The following ARHGEF19 variants were observed in gnomAD, a reference collection of about 807,000 sequenced individuals.
The protein encoded by ARHGEF19 is Rho guanine nucleotide exchange factor (GEF) 19.
Under a neutral mutation model 87.6 loss-of-function variants are expected in ARHGEF19, and 92 were observed. That is an observed-to-expected ratio of 1.05 (90% CI 0.89 to 1.25). The LOEUF (loss-of-function observed/expected upper bound fraction) is 1.25, where lower values mean the gene tolerates loss of function less well. Among genes scored for constraint, ARHGEF19 ranks in the 50% most tolerant of loss-of-function variants. The pLI is 0.00. For missense variants in ARHGEF19, 1,054 were observed against 1,051.8 expected, an observed-to-expected ratio of 1.00 and a Z score of -0.03; for synonymous variants, 438 against 446.2, an observed-to-expected ratio of 0.98 and a Z score of 0.23.
chr1:16,207,843 A>G lies in ARHGEF19; in HGVS notation c.695-66T>C. 3 of 1,587,622 alleles carry G rather than the reference A, an allele frequency of 1.9e-6. No individual in the cohort carries two copies. The highest frequency in any genetic ancestry group is 2.2e-5 in the South Asian group (2 of 89,368). Reference sequence around the variant, plus strand: ...GGGCCTGGGGCCTGGGCCCCGGCCCAGGCACCCTGACGGCCTCAGGCGGCC... The same window carrying G: ...GGGCCTGGGGCCTGGGCCCCGGCCCGGGCACCCTGACGGCCTCAGGCGGCC... On this transcript the variant is annotated intron_variant, in intron 3 of 15. Coordinates refer to ENST00000270747, the MANE Select transcript of ARHGEF19 (RefSeq NM_153213.5). This position sits in a 1 kb window ranked among gnomAD's most constrained non-coding sequence, Gnocchi z 4.0.
intron 1 of ARHGEF19, among the ~76,000 whole-genome samples, chr1:16,209,864 G>A (rs1351472936): frequency 6.6e-6 from 1 of 152,250 alleles, no homozygotes; most frequent in Non-Finnish European, 1.5e-5. Context: ...GGAGGGTCAT[G>A]GACTGGCAGG....
rs1381875665 is a variant in ARHGEF19 at position 16,208,015 on chromosome 1, G to T, written c.623C>A (p.Ser208Tyr). The change falls in exon 3 of 16, where the codon TCT (serine) becomes TAT (tyrosine). Residue 208 changes from serine (S) to tyrosine (Y), a missense_variant. Physicochemically the swap from Ser to Tyr is moderately radical, Grantham distance 144 (BLOSUM62 -2). Coordinates refer to ENST00000270747, the MANE Select transcript of ARHGEF19 (RefSeq NM_153213.5). The stretch of plus-strand genomic sequence containing the variant: ...TGCTGAATTCCGCCCCAGGCGCAGA[G>T]AAGAGTGCAGCCGGGTCATCAGCTC... ...ASELMTRLHS[S>Y]LRLGRNSAAR... 6.2e-7 allele frequency: 1 copy of T among 1,613,342 alleles called. No individual in the cohort carries two copies. Among genetic ancestry groups the T allele is most frequent in the Non-Finnish European group, 8.5e-7 (1 of 1,179,984 alleles).
rs1290200912 is a variant in ARHGEF19 at position 16,209,039 on chromosome 1, G to C, written c.16C>G (p.Pro6Ala). Residue 6 changes from proline (P) to alanine (A), a missense_variant, in exon 2 of 16, where the codon CCT becomes GCT. Coordinates refer to ENST00000270747, the MANE Select transcript of ARHGEF19 (RefSeq NM_153213.5). Reference sequence around the variant, plus strand: ...GTCAGGTGGGGCTGGAGGGTAGCAGGTGGCCCACAGTCCATTCCTCTTTTG... The same window carrying C: ...GTCAGGTGGGGCTGGAGGGTAGCAGCTGGCCCACAGTCCATTCCTCTTTTG... MDCGP[P>A]ATLQPHLTGP... is the part of the protein sequence containing the mutation. 6.7e-7 allele frequency: 1 copy of C among 1,490,262 alleles called. No individual in the cohort carries two copies. The highest frequency in any genetic ancestry group is 2.5e-5 in the Admixed American group (1 of 40,130). 92.3% of individuals were successfully genotyped at this position (1,490,262 alleles called of 1,614,324 possible).
intron 14 of ARHGEF19, among the ~76,000 whole-genome samples, chr1:16,200,294 T>A (rs1055423512): frequency 1.3e-5 from 2 of 152,258 alleles, no homozygotes; most frequent in Non-Finnish European, 2.9e-5. Flanking sequence ...ATGAAAAATG[T>A]CTACCTAGTA....
In ARHGEF19 at chr1:16,204,769, G is replaced by T. The variant is rs779533127; in HGVS notation, c.1897C>A (p.Arg633=). The T allele has an allele frequency of 1.9e-6, 3 of 1,599,948 alleles. No homozygotes were observed. Among genetic ancestry groups the T allele is most frequent in the Non-Finnish European group, 2.6e-6 (3 of 1,170,188 alleles). The stretch of plus-strand genomic sequence containing the variant: ...ACTGCCCCGACTCACTCCTTCCGCC[G>T]AGAGAGCAGCAAGCAGTCATTGAAG... The part of the protein sequence containing the change: ...HLFNDCLLLS[R]RKELGKFAVF... The change falls in exon 12 of 16, where the codon CGG becomes AGG. Residue 633 remains arginine (R), a synonymous_variant. Coordinates refer to ENST00000270747, the MANE Select transcript of ARHGEF19 (RefSeq NM_153213.5).
chr1:16,202,582 A>G lies in ARHGEF19; in HGVS notation c.1908-8T>C. On this transcript the variant is annotated splice_region_variant and splice_polypyrimidine_tract_variant and intron_variant, in intron 12 of 15. Coordinates refer to ENST00000270747, the MANE Select transcript of ARHGEF19 (RefSeq NM_153213.5). ...ACGGCAAACTTCCCTAGCCTGGAGG[A>G]CCGGGGGAGGGGAGGTCAGCCTGGC... 1 of 1,610,702 alleles carries G rather than the reference A, an allele frequency of 6.2e-7. No individual in the cohort carries two copies. Among genetic ancestry groups the G allele is most frequent in the Non-Finnish European group, 8.5e-7 (1 of 1,177,528 alleles).
Position 16,207,854 on chromosome 1 carries a change from CG to C in ARHGEF19, c.695-78del. On this transcript the variant is annotated intron_variant, in intron 3 of 15. Transcript: ENST00000270747. This position sits in a 1 kb window ranked among gnomAD's most constrained non-coding sequence, Gnocchi z 4.0. ...CTGGGCCCCGGCCCAGGCACCCTGA[CG>C]GCCTCAGGCGGCCGGTGAGTGGGCA... The C allele has an allele frequency of 2.5e-6, 4 of 1,582,248 alleles. No homozygotes were observed. Among genetic ancestry groups the C allele is most frequent in the Non-Finnish European group, 3.4e-6 (4 of 1,165,946 alleles).
rs1569708475 is a variant in ARHGEF19, at chr1:16,205,782, G to C, written c.1452-115C>G. 1.3e-6 allele frequency: 2 copies of C among 1,488,172 alleles called. No homozygotes were observed. Among genetic ancestry groups the C allele is most frequent in the African/African-American group, 1.4e-5 (1 of 71,084 alleles). The allele number at this position is 1,488,172 out of a possible 1,614,324, so 92.2% of individuals were successfully genotyped here. ...TCTCAGCACATCCTTACTGCCCTTTGGGGTTGCATCTCACCTTATCCTGGT... is the reference window on the plus strand; with the variant it reads ...TCTCAGCACATCCTTACTGCCCTTTCGGGTTGCATCTCACCTTATCCTGGT... On this transcript the variant is annotated intron_variant, in intron 8 of 15. Coordinates refer to ENST00000270747, the MANE Select transcript of ARHGEF19 (RefSeq NM_153213.5). The surrounding 1 kb of genome is among the most constrained non-coding windows in gnomAD (Gnocchi z 5.8).
Position 16,208,845 on chromosome 1 carries a change from A to T in ARHGEF19, c.210T>A (p.Pro70=). 1.9e-6 allele frequency: 3 copies of T among 1,609,780 alleles called. No individual in the cohort carries two copies. Among genetic ancestry groups the T allele is most frequent in the Non-Finnish European group, 2.5e-6 (3 of 1,178,746 alleles). Reference sequence around the variant, plus strand: ...GCCATAGCAACCCTTGGAGAGGGGCAGGGGTCCCCAGGGACCAGCGGCTGC... The same window carrying T: ...GCCATAGCAACCCTTGGAGAGGGGCTGGGGTCCCCAGGGACCAGCGGCTGC... ...APGSRWSLGT[P]APLQGLLWPL... is the part of the protein sequence containing the mutation. Residue 70 remains proline (P), a synonymous_variant, in exon 2 of 16, where the codon CCT becomes CCA. Coordinates refer to ENST00000270747, the MANE Select transcript of ARHGEF19 (RefSeq NM_153213.5).
chr1:16,204,930 G>A lies in ARHGEF19; in HGVS notation c.1747-11C>T. The A allele has an allele frequency of 1.3e-6, 2 of 1,594,268 alleles. No homozygotes were observed. The highest frequency in any genetic ancestry group is 4.5e-5 in the East Asian group (2 of 44,166). The stretch of plus-strand genomic sequence containing the variant: ...GATCAGCGGGAAAATCTAGAGGGAT[G>A]GAGAAGGATGGGTCAGGCCCAGGGG... On this transcript the variant is annotated splice_polypyrimidine_tract_variant and intron_variant, in intron 11 of 15. Transcript: ENST00000270747.
chr1:16,199,313 T>G, intron 14 of ARHGEF19, 59 bp from the exon 15 acceptor site: 3 of 1,455,202 alleles, frequency 2.1e-6, no homozygotes, highest in Admixed American at 1.7e-5. Context: ...GGGAGGAGCA[T>G]GGGTAGGGCA....
Position 16,207,129 on chromosome 1 carries a change from T to TC in ARHGEF19, c.955dup (p.Asp319GlyfsTer65). The TC allele has an allele frequency of 6.6e-7, 1 of 1,521,436 alleles. No individual in the cohort carries two copies. 94.2% of individuals were successfully genotyped at this position (1,521,436 alleles called of 1,614,324 possible). On this transcript the variant is annotated frameshift_variant, in exon 6 of 16. Transcript: ENST00000270747. LOFTEE classifies it high-confidence loss of function. This position sits in a 1 kb window ranked among gnomAD's most constrained non-coding sequence, Gnocchi z 4.0. ...CCCCTCCTCTGCGCCCTCGGCCTCGTCCCCCGGGCCCTCCTCCTCGCGCTG... is the reference window on the plus strand; with the variant it reads ...CCCCTCCTCTGCGCCCTCGGCCTCGTCCCCCCGGGCCCTCCTCCTCGCGCTG...
chr1:16,202,849 GTTTT>G (rs1278066446), intron 12 of ARHGEF19, among the ~76,000 whole-genome samples: 1 of 151,784 alleles, frequency 6.6e-6, no homozygotes, highest in Non-Finnish European at 1.5e-5. Context: ...TCTTTTTTTT[GTTTT>G]TTTATTTGTT....
At position 16,205,874 on chromosome 1, in the gene ARHGEF19, T is replaced by C; in HGVS notation, c.1451+57A>G. On this transcript the variant is annotated intron_variant, in intron 8 of 15. Coordinates refer to ENST00000270747, the MANE Select transcript of ARHGEF19 (RefSeq NM_153213.5). The surrounding 1 kb of genome is among the most constrained non-coding windows in gnomAD (Gnocchi z 5.8). ...CTTACGTCACCCAGCCCTCAGTGCC[T>C]ACACCTGCCTGAGACTCCCTCCACG... 1 of 1,555,050 alleles carries C rather than the reference T, an allele frequency of 6.4e-7. No individual in the cohort carries two copies. The highest frequency in any genetic ancestry group is 8.7e-7 in the Non-Finnish European group (1 of 1,149,036).
At position 16,207,378 on chromosome 1, in the gene ARHGEF19, C is replaced by G. The variant is rs140190232; in HGVS notation, c.874+144G>C. The G allele has an allele frequency of 4.7e-3, 6,157 of 1,308,734 alleles. 30 individuals carry two copies. The highest frequency in any genetic ancestry group is 9.6e-3 in the Middle Eastern group (37 of 3,854). The allele number at this position is 1,308,734 out of a possible 1,614,324, so 81.1% of individuals were successfully genotyped here. On this transcript the variant is annotated intron_variant, in intron 5 of 15. Transcript: ENST00000270747. The surrounding 1 kb of genome is among the most constrained non-coding windows in gnomAD (Gnocchi z 4.0). ...TTCATTCCATAAACAAATTGAGCAC[C>G]TACTGAGTGCTAGATACCGACAGTT... is the stretch of plus-strand genomic sequence containing the variant.
intron 1 of ARHGEF19, among the ~76,000 whole-genome samples, chr1:16,212,241 C>G (rs924012945): frequency 1.3e-5 from 2 of 152,292 alleles, no homozygotes; most frequent in Admixed American, 1.3e-4. Flanking sequence ...TAGCTTTTCC[C>G]TGCCCCCTCC....
In ARHGEF19 at chr1:16,209,027, G is replaced by T; in HGVS notation, c.28C>A (p.Gln10Lys). MDCGPPATL[Q>K]PHLTGPPGTA... is the part of the protein sequence containing the mutation. ...CCAGGTGGCCCAGTCAGGTGGGGCTGGAGGGTAGCAGGTGGCCCACAGTCC... is the reference window on the plus strand; with the variant it reads ...CCAGGTGGCCCAGTCAGGTGGGGCTTGAGGGTAGCAGGTGGCCCACAGTCC... Residue 10 changes from glutamine (Q) to lysine (K), a missense_variant, in exon 2 of 16, where the codon CAG becomes AAG. Gln to Lys is a moderately conservative substitution (Grantham distance 53, BLOSUM62 1). Coordinates refer to ENST00000270747, the MANE Select transcript of ARHGEF19 (RefSeq NM_153213.5). The T allele has an allele frequency of 6.7e-7, 1 of 1,498,494 alleles. No individual in the cohort carries two copies. Among genetic ancestry groups the T allele is most frequent in the African/African-American group, 1.4e-5 (1 of 71,162 alleles). The allele number at this position is 1,498,494 out of a possible 1,614,324, so 92.8% of individuals were successfully genotyped here.
intron 14 of ARHGEF19, among the ~76,000 whole-genome samples, chr1:16,200,681 T>G (rs1189563665): frequency 6.6e-6 from 1 of 151,180 alleles, no homozygotes; most frequent in African/African-American, 2.4e-5. Flanking sequence ...GAGGTGGAGG[T>G]TGCAGTGAGC....
At chr1:16,211,191 C>T (rs1444724644) in intron 1 of ARHGEF19, among the ~76,000 whole-genome samples, 1 of 152,200 alleles carries the variant, frequency 6.6e-6, no homozygotes, top group Non-Finnish European at 1.5e-5. Context: ...GCAGCTCAGG[C>T]CTTCACACAG....
Sources: gnomAD v4.1 joint callset for allele counts (sites outside exome capture counted in the v4.1 genomes callset) on GRCh38, gnomAD v4.1.1 for gene constraint, Gnocchi (gnomAD v3.1) non-coding constraint, MANE v1.5 for transcripts, NCBI Gene and HGNC (gene_info 2026-07-23, HGNC 2026-07-21) for gene names.